ST6GALNAC5: variants seen among roughly 807,000 people sequenced by gnomAD.
The protein encoded by ST6GALNAC5 is alpha-N-acetylgalactosaminide alpha-2,6-sialyltransferase 5.
In ST6GALNAC5, 27 loss-of-function variants were observed where a neutral mutation model predicts 33.6. The ratio of observed to expected loss-of-function variants is 0.80; its 90% confidence interval spans 0.59 to 1.11. The LOEUF (loss-of-function observed/expected upper bound fraction) is 1.11, where lower values mean the gene tolerates loss of function less well. Among genes scored for constraint, ST6GALNAC5 ranks in the 50% least tolerant of loss-of-function variants. The pLI, the probability that ST6GALNAC5 is intolerant of heterozygous loss-of-function variation, is 0.00. For missense variants in ST6GALNAC5, 428 were observed against 454.0 expected, an observed-to-expected ratio of 0.94 and a Z score of 0.52; for synonymous variants, 194 against 171.2, an observed-to-expected ratio of 1.13 and a Z score of -1.04.
intron 2 of ST6GALNAC5, among the ~76,000 whole-genome samples, chr1:76,954,839 A>T (rs2100342034): frequency 6.6e-6 from 1 of 152,268 alleles, no homozygotes; most frequent in Non-Finnish European, 1.5e-5. Flanking sequence ...CTTGGCTCTG[A>T]CATTTACCAG....
chr1:76,959,006 C>A (rs1442284207), intron 2 of ST6GALNAC5, among the ~76,000 whole-genome samples: 1 of 152,174 alleles, frequency 6.6e-6, no homozygotes, highest in Non-Finnish European at 1.5e-5. Context: ...TCCTCCTCTG[C>A]CTCCTCCTCT....
At chr1:76,966,856 A>G (rs1353263150) in intron 2 of ST6GALNAC5, among the ~76,000 whole-genome samples, 1 of 152,222 alleles carries the variant, frequency 6.6e-6, no homozygotes, top group Non-Finnish European at 1.5e-5. Context: ...TGAGACAATC[A>G]TGTGGTTTCT....
intron 2 of ST6GALNAC5, among the ~76,000 whole-genome samples, chr1:77,017,150 CAAA>C (rs11304509): frequency 3.2e-4 from 33 of 104,690 alleles, no homozygotes; most frequent in Admixed American, 4.8e-4. Context: ...CAGGAAAAGG[CAAA>C]AAAAAAAAAA....
chr1:76,962,919 A>G (rs539953852), intron 2 of ST6GALNAC5, among the ~76,000 whole-genome samples: 1 of 152,346 alleles, frequency 6.6e-6, no homozygotes, highest in South Asian at 2.1e-4. Flanking sequence ...GCATTGAAGG[A>G]AAAAGCTGAA....
At chr1:76,998,976 TACTA>T (rs1354361020) in intron 2 of ST6GALNAC5, among the ~76,000 whole-genome samples, 6 of 152,218 alleles carry the variant, frequency 3.9e-5, no homozygotes, top group Non-Finnish European at 8.8e-5. Context: ...TTTTCATTAT[TACTA>T]AGATCTGGTG....
chr1:76,924,150 AG>A (rs1647061839), intron 2 of ST6GALNAC5, among the ~76,000 whole-genome samples: 1 of 152,078 alleles, frequency 6.6e-6, no homozygotes, highest in South Asian at 2.1e-4. Flanking sequence ...CTCCAGATAA[AG>A]AAGTAATATT....
Position 76,974,039 on chromosome 1 carries a change from TA to T in ST6GALNAC5, c.262-70158del, listed in dbSNP as rs948891955. Among the ~76,000 whole-genome samples, 4 of 151,994 alleles carry T rather than the reference TA, an allele frequency of 2.6e-5. No homozygotes were observed. In the East Asian group the frequency reaches 5.8e-4, roughly 22 times the overall value. On this transcript the variant is annotated intron_variant, in intron 2 of 4. Transcript: ENST00000477717. ...TCTTTACTATTCTAGTATATAAGAA[TA>T]AAAAAACAACTAATTTTATTACACT...
intron 2 of ST6GALNAC5, among the ~76,000 whole-genome samples, chr1:76,924,742 G>A (rs1416830262): frequency 6.6e-6 from 1 of 152,050 alleles, no homozygotes; most frequent in Non-Finnish European, 1.5e-5. Flanking sequence ...TTTCAACTTA[G>A]GTAACCAAAA....
At chr1:76,879,498 G>A (rs939492356) in intron 2 of ST6GALNAC5, among the ~76,000 whole-genome samples, 1 of 152,178 alleles carries the variant, frequency 6.6e-6, no homozygotes, top group African/African-American at 2.4e-5. Context: ...TTATTTTCAA[G>A]TGTAGCACAC....
intron 2 of ST6GALNAC5, among the ~76,000 whole-genome samples, chr1:76,959,033 G>A (rs111726553): frequency 6.6e-6 from 1 of 152,122 alleles, no homozygotes; most frequent in Non-Finnish European, 1.5e-5. Context: ...AGCATTCACC[G>A]GCTGACTTTC....
intron 2 of ST6GALNAC5, among the ~76,000 whole-genome samples, chr1:76,947,580 A>T (rs1307809804): frequency 1.3e-5 from 2 of 151,872 alleles, no homozygotes; most frequent in South Asian, 2.1e-4. Context: ...CTAATAAAAA[A>T]TTTTACATTA....
At chr1:77,050,451 T>A in intron 4 of ST6GALNAC5, 86 bp downstream of exon 4, 1 of 1,263,390 alleles carries the variant, frequency 7.9e-7, no homozygotes, top group Non-Finnish European at 1.1e-6. Context: ...CCATGAAACA[T>A]GTCTAACTGT....
At position 77,063,123 on chromosome 1, in the gene ST6GALNAC5, A is replaced by T; in HGVS notation, c.928A>T (p.Thr310Ser). ...EKRVFKNWAR[T>S]FNIHFFQPDW... ...ACGAGTCTTTAAGAACTGGGCACGG[A>T]CATTCAATATTCACTTTTTTCAACC... The change falls in exon 5 of 5, where the codon ACA (threonine) becomes TCA (serine). Residue 310 changes from threonine to serine, a missense_variant. Transcript: ENST00000477717. 6.2e-7 allele frequency: 1 copy of T among 1,613,876 alleles called. No individual in the cohort carries two copies. The highest frequency in any genetic ancestry group is 8.5e-7 in the Non-Finnish European group (1 of 1,179,864).
At chr1:77,058,662 G>T (rs1197733632) in intron 4 of ST6GALNAC5, among the ~76,000 whole-genome samples, 1 of 152,200 alleles carries the variant, frequency 6.6e-6, no homozygotes, top group Non-Finnish European at 1.5e-5. Flanking sequence ...ACCCAGACTT[G>T]GGTATTCTTT....
intron 2 of ST6GALNAC5, among the ~76,000 whole-genome samples, chr1:76,918,523 C>T (rs1646997203): frequency 6.8e-6 from 1 of 147,064 alleles, no homozygotes. Flanking sequence ...GAGGCTGAGG[C>T]AGGAGAATCG....
At chr1:77,023,237 A>G (rs1651118208) in intron 2 of ST6GALNAC5, among the ~76,000 whole-genome samples, 1 of 152,230 alleles carries the variant, frequency 6.6e-6, no homozygotes, top group Admixed American at 6.5e-5. Context: ...CCACGCAACC[A>G]GTGGTATTTT....
At position 77,061,186 on chromosome 1, in the gene ST6GALNAC5, G is replaced by A. The variant is rs149200762; in HGVS notation, c.780-1789G>A. On this transcript the variant is annotated intron_variant, in intron 4 of 4. Transcript: ENST00000477717. ...CAGAACATAGAGATAATTCCAAGAC[G>A]GGCATATTAGAGATGCAAAGTGTTA... Among the ~76,000 whole-genome samples the A allele has an allele frequency of 2.5e-3, 373 of 152,188 alleles. 1 individual carries two copies. Among genetic ancestry groups the A allele is most frequent in the Non-Finnish European group, 4.1e-3 (282 of 67,998 alleles).
intron 2 of ST6GALNAC5, among the ~76,000 whole-genome samples, chr1:76,945,358 A>C (rs1570696180): frequency 6.6e-6 from 1 of 152,118 alleles, no homozygotes; most frequent in Admixed American, 6.6e-5. Context: ...AAATAGTAGG[A>C]ACGCAATAAA....
intron 2 of ST6GALNAC5, among the ~76,000 whole-genome samples, chr1:77,014,311 T>G (rs2100427302): frequency 6.6e-6 from 1 of 152,322 alleles, no homozygotes; most frequent in Middle Eastern, 3.4e-3. Flanking sequence ...CATCAGGGCC[T>G]TTGACTGTGT....
Sources: allele counts gnomAD v4.1 joint callset (sites outside exome capture counted in the v4.1 genomes callset), GRCh38; gene constraint gnomAD v4.1.1; transcripts MANE v1.5; gene names NCBI Gene and HGNC (gene_info 2026-07-23, HGNC 2026-07-21).